Variants in COL4A6 observed in about 807,000 individuals in gnomAD.
The protein encoded by COL4A6 is collagen type IV alpha 6 chain.
In COL4A6, 59 loss-of-function variants were observed where a neutral mutation model predicts 126.7. The observed-to-expected ratio is 0.47, with a 90% confidence interval of 0.38 to 0.58. The LOEUF (loss-of-function observed/expected upper bound fraction) is 0.58. Among genes scored for constraint, COL4A6 ranks in the 20% least tolerant of loss-of-function variants. The pLI, the probability that COL4A6 is intolerant of heterozygous loss-of-function variation, is 0.00. For synonymous variants in COL4A6, 547 were observed against 496.6 expected (o/e 1.10, Z -1.35); for missense variants, 1,285 against 1,337.3 (o/e 0.96, Z 0.61).
At chrX:108,212,627 G>A (rs1030276057) in intron 6 of COL4A6, among the ~76,000 whole-genome samples, 1 of 110,966 alleles carries the variant, frequency 9.0e-6, no homozygotes, top group South Asian at 3.8e-4. Context: ...AAACAACAAC[G>A]TGATCCCAGG....
intron 2 of COL4A6, among the ~76,000 whole-genome samples, chrX:108,359,890 T>C (rs1247438802): frequency 1.8e-5 from 2 of 112,556 alleles, no homozygotes; most frequent in African/African-American, 6.4e-5. Context: ...TCCGTGTACA[T>C]TTCTTACTTG....
intron 3 of COL4A6, among the ~76,000 whole-genome samples, chrX:108,231,621 C>T (rs1257398484): frequency 9.0e-6 from 1 of 111,646 alleles, no homozygotes; most frequent in Non-Finnish European, 1.9e-5. Flanking sequence ...ACTGGTGAAG[C>T]CAATTTGCTG....
intron 3 of COL4A6, among the ~76,000 whole-genome samples, chrX:108,241,993 G>C (rs1286527896): frequency 1.2e-5 from 1 of 85,918 alleles, no homozygotes; most frequent in Non-Finnish European, 2.3e-5. Flanking sequence ...GATTTCACCA[G>C]TTTTTTTTTT....
chrX:108,290,098 A>G (rs1461630420), intron 3 of COL4A6, among the ~76,000 whole-genome samples: 1 of 112,308 alleles, frequency 8.9e-6, no homozygotes, highest in Admixed American at 9.4e-5. Flanking sequence ...CAATGTTTCT[A>G]AAGGATCTTG....
intron 25 of COL4A6, 144 bp from the exon 26 acceptor site, chrX:108,179,582 G>T (rs1443300816): frequency 4.0e-6 from 2 of 501,649 alleles, no homozygotes; most frequent in Non-Finnish European, 6.4e-6. Flanking sequence ...AGGAGTCTCT[G>T]TTCCTGCAAG....
Position 108,204,370 on chromosome X carries a change from T to C in COL4A6, c.730A>G (p.Thr244Ala), listed in dbSNP as rs760560975. The C allele has an allele frequency of 1.2e-5, 15 of 1,205,293 alleles. No individual in the cohort carries two copies. The African/African-American group carries it at 2.6e-4, about 21-fold the overall frequency. Residue 244 changes from threonine to alanine, a missense_variant, in exon 12 of 45, where the codon ACT (threonine) becomes GCT (alanine). Thr to Ala is a moderately conservative substitution (Grantham distance 58). Coordinates refer to ENST00000334504, the MANE Select transcript of COL4A6 (RefSeq NM_033641.4). ...AATCCCATGAATTCCAGCTCTCCAG[T>C]AGATGGTGGAGGTCCTGCTGGGCCA... Reference protein sequence around the residue: ...LPGPAGPPPSTGELEFMGFPK... With the variant: ...LPGPAGPPPSAGELEFMGFPK...
At chrX:108,235,323 A>G (rs1384769677) in intron 3 of COL4A6, among the ~76,000 whole-genome samples, 1 of 111,880 alleles carries the variant, frequency 8.9e-6, no homozygotes, top group Non-Finnish European at 1.9e-5. Context: ...CCTTGCTCAA[A>G]GTGAGATGCT....
At chrX:108,391,236 C>T (rs918934692) in intron 2 of COL4A6, among the ~76,000 whole-genome samples, 7 of 111,944 alleles carry the variant, frequency 6.3e-5, no homozygotes, top group African/African-American at 9.8e-5. Flanking sequence ...CTGGGAGAAC[C>T]GCTGCTCTCT....
At chrX:108,378,368 A>C (rs2040489843) in intron 2 of COL4A6, among the ~76,000 whole-genome samples, 2 of 112,200 alleles carry the variant, frequency 1.8e-5, no homozygotes, top group Non-Finnish European at 3.8e-5. Flanking sequence ...GAACCTATAA[A>C]TATTATTTCT....
chrX:108,168,467 A>G (rs1197145092), intron 37 of COL4A6, among the ~76,000 whole-genome samples: 1 of 112,492 alleles, frequency 8.9e-6, no homozygotes, highest in Non-Finnish European at 1.9e-5. Flanking sequence ...CTGTACACAA[A>G]CATGCACATA....
intron 23 of COL4A6, chrX:108,183,690 T>C: frequency 1.1e-6 from 1 of 908,090 alleles, no homozygotes; most frequent in Non-Finnish European, 1.4e-6. Context: ...AAGACTAGTG[T>C]CTGAGAGCTT....
intron 2 of COL4A6, among the ~76,000 whole-genome samples, chrX:108,365,260 T>C (rs187307064): frequency 8.9e-6 from 1 of 112,183 alleles, no homozygotes; most frequent in African/African-American, 3.2e-5. Flanking sequence ...AGACCCAAAA[T>C]AAGAGGTTTT....
chrX:108,358,499 A>G (rs1423436845), intron 2 of COL4A6, among the ~76,000 whole-genome samples: 1 of 109,183 alleles, frequency 9.2e-6, no homozygotes, highest in Non-Finnish European at 1.9e-5. Context: ...GGTTCAAGCA[A>G]TTCTCCTGCC....
intron 3 of COL4A6, among the ~76,000 whole-genome samples, chrX:108,224,420 C>T (rs998343524): frequency 3.6e-5 from 4 of 112,124 alleles, no homozygotes; most frequent in African/African-American, 1.3e-4. Flanking sequence ...CAGGTTCCAG[C>T]TTGGGTTGGC....
Position 108,202,928 on chromosome X carries a change from C to T in COL4A6, c.834G>A (p.Pro278=), listed in dbSNP as rs1006504081. 25 of 1,206,064 alleles carry T rather than the reference C, an allele frequency of 2.1e-5. No individual in the cohort carries two copies. Among genetic ancestry groups the T allele is most frequent in the African/African-American group, 3.5e-5 (2 of 56,913 alleles). Residue 278 remains proline (P), a splice_region_variant and synonymous_variant, in exon 13 of 45, where the codon CCG becomes CCA. Coordinates refer to ENST00000334504, the MANE Select transcript of COL4A6 (RefSeq NM_033641.4). ...FPGISGPPGF[P]GLGTTGEKGE... ...ATATTGATCAAATAGAGAGACTTAC[C>T]GGGAAGCCTGGAGGGCCACTTATGC...
chrX:108,426,556 G>A (rs1254749694), intron 2 of COL4A6, among the ~76,000 whole-genome samples: 1 of 111,804 alleles, frequency 8.9e-6, no homozygotes, highest in Admixed American at 9.5e-5. Flanking sequence ...ACAAAGGTAG[G>A]GCAGCAGAGG....
chrX:108,160,348 G>T, intron 43 of COL4A6, 115 bp downstream of exon 43: 1 of 733,366 alleles, frequency 1.4e-6, no homozygotes, highest in Non-Finnish European at 2.0e-6. Flanking sequence ...CAGAGCTGAT[G>T]CTTGTAACTC....
In COL4A6 at chrX:108,178,771, G is replaced by T. The variant is rs1204317391; in HGVS notation, c.2428C>A (p.Gln810Lys). 1.7e-6 allele frequency: 2 copies of T among 1,209,991 alleles called. No individual in the cohort carries two copies. Among genetic ancestry groups the T allele is most frequent in the African/African-American group, 3.5e-5 (2 of 57,202 alleles). Residue 810 changes from glutamine (Q) to lysine (K), a missense_variant, in exon 27 of 45, where the codon CAG becomes AAG. Physicochemically the swap from Gln to Lys is moderately conservative, Grantham distance 53. Coordinates refer to ENST00000334504, the MANE Select transcript of COL4A6 (RefSeq NM_033641.4). ...CCACTAGATCCTGGGGTGCCTGGCTGTCCCACCTGTCCTGGTGTCCCAGGG... is the reference window on the plus strand; with the variant it reads ...CCACTAGATCCTGGGGTGCCTGGCTTTCCCACCTGTCCTGGTGTCCCAGGG... Reference protein sequence around the residue: ...GSPGTPGQVGQPGTPGSSGPY... With the variant: ...GSPGTPGQVGKPGTPGSSGPY...
intron 2 of COL4A6, among the ~76,000 whole-genome samples, chrX:108,382,962 A>AAAT (rs4035941): frequency 0.065 from 5,756 of 88,226 alleles, 220 homozygotes; most frequent in East Asian, 0.17. Flanking sequence ...CCCCCGCCAA[A>AAAT]AATAATAATA....
Sources: allele counts gnomAD v4.1 joint callset (sites outside exome capture counted in the v4.1 genomes callset), GRCh38; gene constraint gnomAD v4.1.1; transcripts MANE v1.5; gene names NCBI Gene and HGNC (gene_info 2026-07-23, HGNC 2026-07-21).